Variants in INSIG1 observed in about 807,000 individuals in gnomAD.
INSIG1 encodes insulin induced gene 1, also known as insulin-induced gene 1 protein.
In INSIG1, 14 loss-of-function variants were observed where a neutral mutation model predicts 26.5. The ratio of observed to expected loss-of-function variants is 0.53; its 90% CI spans 0.35 to 0.83. The LOEUF is 0.83. Among genes scored for constraint, INSIG1 ranks in the 40% least tolerant of loss-of-function variants. The pLI is 0.01. For missense variants in INSIG1, 272 were observed against 368.9 expected (o/e 0.74, Z 2.15); for synonymous variants, 147 against 153.3 (o/e 0.96, Z 0.30).
At chr7:155,299,073 C>G (rs1018375626) in intron 2 of INSIG1, among the ~76,000 whole-genome samples, 4 of 152,236 alleles carry the variant, frequency 2.6e-5, no homozygotes, top group African/African-American at 9.6e-5. Flanking sequence ...TGGTGAGCAG[C>G]GGGACTGAAA....
Position 155,302,597 on chromosome 7 carries a change from GT to G in INSIG1, c.705-149del, listed in dbSNP as rs759655828. ...TTAATGTAACGCAAAGGAAAACCAA[GT>G]AGTAGCAGTTACAACCAAACAAATA... On this transcript the variant is annotated intron_variant, in intron 4 of 5. Transcript: ENST00000340368. This position sits in a 1 kb window ranked among gnomAD's most constrained non-coding sequence, Gnocchi z 4.3. 17 of 897,884 alleles carry G rather than the reference GT, an allele frequency of 1.9e-5. No homozygotes were observed. Among genetic ancestry groups the G allele is most frequent in the Non-Finnish European group, 2.9e-5 (17 of 589,926 alleles). 55.6% of individuals were successfully genotyped at this position (897,884 alleles called of 1,614,324 possible).
At chr7:155,298,037 C>T (rs1797666464) in intron 1 of INSIG1, 78 bp downstream of exon 1, 1 of 365,182 alleles carries the variant, frequency 2.7e-6, no homozygotes, top group Admixed American at 4.7e-5. Flanking sequence ...GGTAGGCGGG[C>T]GCGGGCCCTG....
rs561342714 is a variant in INSIG1 at position 155,302,655 on chromosome 7, C to T, written c.705-92C>T. 46 of 951,864 alleles carry T rather than the reference C, an allele frequency of 4.8e-5. No homozygotes were observed. Among genetic ancestry groups the T allele is most frequent in the Admixed American group, 5.9e-5 (3 of 50,606 alleles). The allele number at this position is 951,864 out of a possible 1,614,324, so 59.0% of individuals were successfully genotyped here. On this transcript the variant is annotated intron_variant, in intron 4 of 5. Coordinates refer to ENST00000340368, the MANE Select transcript of INSIG1 (RefSeq NM_005542.6). This position sits in a 1 kb window ranked among gnomAD's most constrained non-coding sequence, Gnocchi z 4.3. ...TTCGTAACATTGGATGGTTGATATGCGTTCTGCATATCCCCACTACAGAGA... is the reference window on the plus strand; with the variant it reads ...TTCGTAACATTGGATGGTTGATATGTGTTCTGCATATCCCCACTACAGAGA...
At chr7:155,307,126 A>G (rs1403398726) in intron 5 of INSIG1, among the ~76,000 whole-genome samples, 2 of 152,212 alleles carry the variant, frequency 1.3e-5, no homozygotes, top group Admixed American at 6.5e-5. Context: ...CGCAGTTTGT[A>G]TAGAACCCTC....
chr7:155,301,432 C>A, intron 2 of INSIG1, 134 bp from the exon 3 acceptor site: 2 of 774,614 alleles, frequency 2.6e-6, no homozygotes, highest in Non-Finnish European at 1.9e-6. Context: ...TATAAAATCA[C>A]TCTGAAGTTA....
chr7:155,298,946 T>C (rs1359862397), intron 2 of INSIG1, among the ~76,000 whole-genome samples: 1 of 152,078 alleles, frequency 6.6e-6, no homozygotes, highest in African/African-American at 2.4e-5. Flanking sequence ...AGGGAGATAA[T>C]TGGCTGTTCA....
At chr7:155,307,675 C>T (rs1288593427) in intron 5 of INSIG1, among the ~76,000 whole-genome samples, 1 of 152,130 alleles carries the variant, frequency 6.6e-6, no homozygotes, top group African/African-American at 2.4e-5. Flanking sequence ...TGAGGGCACA[C>T]AGAGCTTCAG....
intron 2 of INSIG1, among the ~76,000 whole-genome samples, chr7:155,299,956 G>A (rs568445144): frequency 6.6e-6 from 1 of 152,162 alleles, no homozygotes; most frequent in East Asian, 1.9e-4. Flanking sequence ...GATTAACAGA[G>A]GGCTCCGTGT....
chr7:155,303,629 G>T (rs1797853550), intron 5 of INSIG1, among the ~76,000 whole-genome samples: 1 of 152,160 alleles, frequency 6.6e-6, no homozygotes, highest in South Asian at 2.1e-4. Context: ...GTTAAAAATT[G>T]ACATCTTAGC....
At chr7:155,298,157 G>A in intron 1 of INSIG1, 102 bp from the exon 2 acceptor site, 2 of 1,026,874 alleles carry the variant, frequency 1.9e-6, no homozygotes, top group Admixed American at 4.0e-5. Context: ...TAACCTTGGG[G>A]GGCGGCGCTG....
intron 5 of INSIG1, chr7:155,303,882 A>G (rs1419015071): frequency 1.5e-6 from 2 of 1,365,672 alleles, no homozygotes; most frequent in Non-Finnish European, 2.0e-6. Context: ...TCACAAAACC[A>G]GAAGTAATTA....
rs760404854 is a variant in INSIG1, at chr7:155,298,245, C to T, written c.-27-14C>T. On this transcript the variant is annotated splice_polypyrimidine_tract_variant and intron_variant, in intron 1 of 5. Coordinates refer to ENST00000340368, the MANE Select transcript of INSIG1 (RefSeq NM_005542.6). ...TGTCTCTTCTGAGTGAACTTGATGA[C>T]CCCCTTCTTCCAGGAAGCGCCTCTT... 6 of 1,443,900 alleles carry T rather than the reference C, an allele frequency of 4.2e-6. No homozygotes were observed. The African/African-American group carries it at 6.0e-5, about 14-fold the overall frequency. The allele number at this position is 1,443,900 out of a possible 1,614,324, so 89.4% of individuals were successfully genotyped here. A position where few individuals can be genotyped will look rare whatever the true frequency, so the allele number is the denominator to read the frequency against.
chr7:155,301,574 G>A lies in INSIG1; in HGVS notation c.421G>A (p.Gly141Ser). ...CAACTTTTTTAAAACAGCTGTTGTTGGCCTACTGTACCCCTGTATCGACAG... is the reference window on the plus strand; with the variant it reads ...CAACTTTTTTAAAACAGCTGTTGTTAGCCTACTGTACCCCTGTATCGACAG... ...PCCGTAAAVVGLLYPCIDSHL... is the reference protein window; with the variant it reads ...PCCGTAAAVVSLLYPCIDSHL... Residue 141 changes from glycine to serine, a missense_variant, in exon 3 of 6, where the codon GGC becomes AGC. This residue lies in a region of INSIG1 where 111 missense variants were observed against 189.8 expected (regional missense o/e 0.58). Coordinates refer to ENST00000340368, the MANE Select transcript of INSIG1 (RefSeq NM_005542.6). 6.2e-7 allele frequency: 1 copy of A among 1,604,372 alleles called. No homozygotes were observed. The highest frequency in any genetic ancestry group is 8.5e-7 in the Non-Finnish European group (1 of 1,173,990).
Position 155,302,366 on chromosome 7 carries a change from C to A in INSIG1, c.653C>A (p.Ala218Asp). The A allele has an allele frequency of 6.2e-7, 1 of 1,610,670 alleles. No homozygotes were observed. The highest frequency in any genetic ancestry group is 8.5e-7 in the Non-Finnish European group (1 of 1,178,540). The change falls in exon 4 of 6, where the codon GCT becomes GAT. Residue 218 changes from alanine to aspartate, a missense_variant. Transcript: ENST00000340368. The surrounding 1 kb of genome is among the most constrained non-coding windows in gnomAD (Gnocchi z 4.3). ...GGCCTTGGGCTGGGGATCACCATAGCTTTTCTAGCTACGCTGATCACGCAG... is the reference window on the plus strand; with the variant it reads ...GGCCTTGGGCTGGGGATCACCATAGATTTTCTAGCTACGCTGATCACGCAG... ...RSGLGLGITI[A>D]FLATLITQFL...
intron 1 of INSIG1, 59 bp from the exon 2 acceptor site, chr7:155,298,200 G>T (rs1449090589): frequency 5.3e-6 from 7 of 1,314,738 alleles, no homozygotes; most frequent in Admixed American, 3.9e-5. Flanking sequence ...TTCGCGTCCC[G>T]CGGGGCCTTC....
At chr7:155,305,353 C>T (rs1026834239) in intron 5 of INSIG1, among the ~76,000 whole-genome samples, 2 of 152,120 alleles carry the variant, frequency 1.3e-5, no homozygotes, top group African/African-American at 4.8e-5. Flanking sequence ...ATCCATCAAA[C>T]CCCGGAAATG....
chr7:155,299,734 A>G (rs754674946), intron 2 of INSIG1, among the ~76,000 whole-genome samples: 14 of 152,198 alleles, frequency 9.2e-5, no homozygotes, highest in African/African-American at 2.7e-4. Flanking sequence ...TGCTGTGTTC[A>G]TTCCTTACAG....
chr7:155,299,325 C>G (rs893318490), intron 2 of INSIG1, among the ~76,000 whole-genome samples: 1 of 152,190 alleles, frequency 6.6e-6, no homozygotes, highest in African/African-American at 2.4e-5. Flanking sequence ...TACACCCAAG[C>G]AGTAGCATAG....
intron 2 of INSIG1, among the ~76,000 whole-genome samples, chr7:155,300,333 C>T (rs1327483009): frequency 6.6e-6 from 1 of 151,718 alleles, no homozygotes; most frequent in African/African-American, 2.4e-5. Context: ...TGTTTTTTAC[C>T]TATTTATTTA....
Sources: gnomAD v4.1 joint callset for allele counts (sites outside exome capture counted in the v4.1 genomes callset) on GRCh38, gnomAD v4.1.1 for gene constraint, gnomAD v4.1.1 regional missense constraint, Gnocchi (gnomAD v3.1) non-coding constraint, MANE v1.5 for transcripts, NCBI Gene and HGNC (gene_info 2026-07-23, HGNC 2026-07-21) for gene names.